Variants in THAP5 observed in about 807,000 individuals in gnomAD.
THAP5 encodes the protein THAP domain containing 5.
A neutral mutation model predicts 34.0 loss-of-function variants in THAP5; 26 were observed. That is an observed-to-expected ratio of 0.77 (90% confidence interval 0.56 to 1.06). The LOEUF (loss-of-function observed/expected upper bound fraction) is 1.06, where lower values mean the gene tolerates loss of function less well. Ranked by LOEUF, THAP5 falls within the 50% of genes least tolerant of loss-of-function variation. The pLI, the probability that THAP5 is intolerant of heterozygous loss-of-function variation, is 0.00. For synonymous variants in THAP5, 125 were observed against 153.0 expected (o/e 0.82, Z 1.35); for missense variants, 394 against 452.8 (o/e 0.87, Z 1.18).
At position 108,564,519 on chromosome 7, in the gene THAP5, G is replaced by T. The variant is rs796158447; in HGVS notation, c.860C>A (p.Ser287Tyr). 5.0e-6 allele frequency: 8 copies of T among 1,613,840 alleles called. No individual in the cohort carries two copies. The highest frequency in any genetic ancestry group is 5.9e-6 in the Non-Finnish European group (7 of 1,179,890). ...PAENSKPSVN[S>Y]FISAQKETTE... ...GGTTTCTTTTTGTGCAGATATAAAA[G>T]AATTAACTGAGGGTTTAGAATTTTC... is the stretch of plus-strand genomic sequence containing the variant. The change falls in exon 3 of 3, where the codon TCT becomes TAT. Residue 287 changes from serine to tyrosine, a missense_variant. Ser to Tyr is a moderately radical substitution (Grantham distance 144). Transcript: ENST00000415914.
chr7:108,567,757 C>T (rs1415714393), intron 1 of THAP5, among the ~76,000 whole-genome samples: 1 of 152,140 alleles, frequency 6.6e-6, no homozygotes, highest in African/African-American at 2.4e-5. Context: ...TCAAGTTTGA[C>T]GCTACTGGAG....
chr7:108,565,915 G>A lies in THAP5; in HGVS notation c.188C>T (p.Pro63Leu), dbSNP rs2154518094. 6.4e-7 allele frequency: 1 copy of A among 1,550,512 alleles called. No individual in the cohort carries two copies. The highest frequency in any genetic ancestry group is 1.4e-5 in the African/African-American group (1 of 73,036). Residue 63 changes from proline to leucine, a missense_variant, in exon 2 of 3, where the codon CCT becomes CTT. By Grantham distance (98) the Pro-to-Leu change is moderately conservative (BLOSUM62 -3). Coordinates refer to ENST00000415914, the MANE Select transcript of THAP5 (RefSeq NM_001130475.3). ...ACCCCATCTGATGTCAAGAGAGTCA[G>A]GAGTAAAATGGTCACTACATAGAAA... ...YQFLCSDHFT[P>L]DSLDIRWGIR...
downstream of THAP5, among the ~76,000 whole-genome samples, chr7:108,557,930 G>A (rs1163829583): frequency 6.6e-6 from 1 of 152,194 alleles, no homozygotes; most frequent in Non-Finnish European, 1.5e-5. Flanking sequence ...GGCTGTACAG[G>A]AAGCATAGTT....
chr7:108,561,378 C>T (rs894474169), downstream of THAP5, among the ~76,000 whole-genome samples: 2 of 151,922 alleles, frequency 1.3e-5, no homozygotes, highest in Admixed American at 6.6e-5. Flanking sequence ...ATCCTCCCAC[C>T]TCAGACTCCT....
chr7:108,569,148 T>C (rs1790554130), intron 1 of THAP5: 3 of 1,121,774 alleles, frequency 2.7e-6, no homozygotes, highest in Admixed American at 8.5e-5. Flanking sequence ...ACTTCGCAGG[T>C]TTCACGTATC....
At chr7:108,557,970 G>A (rs188627200), downstream of THAP5, among the ~76,000 whole-genome samples, 6 of 152,310 alleles carry the variant, frequency 3.9e-5, no homozygotes, top group Non-Finnish European at 8.8e-5. Flanking sequence ...TACAATAATG[G>A]TGGAAAGGCA....
intron 1 of THAP5, chr7:108,569,158 C>G: frequency 8.6e-7 from 1 of 1,157,276 alleles, no homozygotes; most frequent in East Asian, 4.5e-5. Context: ...TTTCACGTAT[C>G]TTAAATGGTG....
chr7:108,543,207 G>C, the THAP5 span, among the ~76,000 whole-genome samples: 2 of 152,152 alleles, frequency 1.3e-5, no homozygotes, highest in Non-Finnish European at 2.9e-5. Context: ...GATTACCTGT[G>C]TGAGCCACTG....
chr7:108,566,772 G>C (rs1023696320), intron 1 of THAP5, among the ~76,000 whole-genome samples: 1 of 152,132 alleles, frequency 6.6e-6, no homozygotes, highest in Non-Finnish European at 1.5e-5. Context: ...TATACATTTT[G>C]TTCCTGTACC....
chr7:108,559,124 C>A (rs1366698768), downstream of THAP5, among the ~76,000 whole-genome samples: 2 of 152,126 alleles, frequency 1.3e-5, no homozygotes, highest in Non-Finnish European at 2.9e-5. Context: ...TAAATACAGT[C>A]ATGGATGGAA....
chr7:108,569,332 C>A, intron 1 of THAP5, 158 bp downstream of exon 1: 1 of 1,469,744 alleles, frequency 6.8e-7, no homozygotes, highest in African/African-American at 1.4e-5. Flanking sequence ...GCTAGCTAAA[C>A]TGAACTAGCG....
chr7:108,545,598 A>G, the THAP5 span, among the ~76,000 whole-genome samples: 1 of 152,238 alleles, frequency 6.6e-6, no homozygotes, highest in African/African-American at 2.4e-5. Flanking sequence ...GTCTAGAAAA[A>G]TATCTATTTA....
downstream of THAP5, among the ~76,000 whole-genome samples, chr7:108,560,159 T>C (rs1374318342): frequency 6.6e-6 from 1 of 152,216 alleles, no homozygotes; most frequent in Admixed American, 6.5e-5. Context: ...TTACTTTCTC[T>C]GATGGCTTAG....
At chr7:108,541,874 A>G in the THAP5 span, among the ~76,000 whole-genome samples, 2 of 152,240 alleles carry the variant, frequency 1.3e-5, no homozygotes, top group Admixed American at 1.3e-4. Context: ...AAATTGAGCC[A>G]GCCCATTATG....
At chr7:108,558,061 A>G (rs1337948965), downstream of THAP5, among the ~76,000 whole-genome samples, 6 of 152,010 alleles carry the variant, frequency 3.9e-5, no homozygotes, top group Non-Finnish European at 2.9e-5. Context: ...AAACAACCAC[A>G]TCTCGTGGAA....
Position 108,569,686 on chromosome 7 carries a change from G to A in THAP5, c.-117C>T, listed in dbSNP as rs988385161. On this transcript the variant is annotated 5_prime_UTR_variant, in exon 1 of 3. Coordinates refer to ENST00000415914, the MANE Select transcript of THAP5 (RefSeq NM_001130475.3). ...GCCCCTGCGCCTGCGCTAGCATTCT[G>A]CCGGGAAAGCCGCCTCGTCTGTCGA... 92 of 1,331,546 alleles carry A rather than the reference G, an allele frequency of 6.9e-5. No individual in the cohort carries two copies. The highest frequency in any genetic ancestry group is 9.1e-5 in the Non-Finnish European group (88 of 972,184). The allele number at this position is 1,331,546 out of a possible 1,614,324, so 82.5% of individuals were successfully genotyped here.
At chr7:108,566,728 A>C (rs935736392) in intron 1 of THAP5, among the ~76,000 whole-genome samples, 6 of 152,170 alleles carry the variant, frequency 3.9e-5, no homozygotes, top group African/African-American at 1.4e-4. Context: ...ATTTTATATG[A>C]AACAAATCAA....
chr7:108,551,051 T>C (rs955656597), downstream of THAP5, among the ~76,000 whole-genome samples: 2 of 152,240 alleles, frequency 1.3e-5, no homozygotes, highest in Non-Finnish European at 2.9e-5. Context: ...TTTATAATAT[T>C]CCTTTTCTAA....
chr7:108,561,581 G>T (rs1288700103), downstream of THAP5, among the ~76,000 whole-genome samples: 1 of 152,016 alleles, frequency 6.6e-6, no homozygotes, highest in African/African-American at 2.4e-5. Flanking sequence ...ATGAGCTAAT[G>T]ATTGTTTTGA....
Sources: allele counts gnomAD v4.1 joint callset (sites outside exome capture counted in the v4.1 genomes callset), GRCh38; gene constraint gnomAD v4.1.1; transcripts MANE v1.5; gene names NCBI Gene and HGNC (gene_info 2026-07-23, HGNC 2026-07-21).